Variants in CT55 observed in about 807,000 individuals in gnomAD.
CT55 encodes BRCA2-interacting protein.
A neutral mutation model predicts 12.6 loss-of-function variants in CT55; 1 was observed. The observed-to-expected ratio is 0.08, with a 90% CI of 0.03 to 0.38. The LOEUF (loss-of-function observed/expected upper bound fraction) is 0.38, where lower values mean the gene tolerates loss of function less well. CT55 is among the 10% of genes least tolerant of loss of function. CT55 has a pLI of 0.99. For synonymous variants in CT55, 43 were observed against 49.7 expected, an observed-to-expected ratio of 0.87 and a Z score of 0.57; for missense variants, 109 against 135.4, an observed-to-expected ratio of 0.80 and a Z score of 0.97.
chrX:135,160,744 G>T (rs1256703616), intron 2 of CT55, among the ~76,000 whole-genome samples, 189 bp from the exon 3 acceptor site: 3 of 112,124 alleles, frequency 2.7e-5, no homozygotes, highest in African/African-American at 9.7e-5. Flanking sequence ...TTCAAGAATT[G>T]TGAAATGTAT....
intron 2 of CT55, among the ~76,000 whole-genome samples, chrX:135,162,420 A>G (rs1269321175): frequency 2.7e-5 from 3 of 111,824 alleles, no homozygotes; most frequent in African/African-American, 9.8e-5. Context: ...GAGAAATGGG[A>G]CTCTCCAGTG....
At chrX:135,162,952 C>G (rs2083568659) in intron 2 of CT55, among the ~76,000 whole-genome samples, 1 of 111,711 alleles carries the variant, frequency 9.0e-6, no homozygotes, top group South Asian at 3.8e-4. Flanking sequence ...CTAGGGGAAT[C>G]CCAGCCATCC....
chrX:135,159,207 T>TTCTCTCTCTC (rs60230637), intron 3 of CT55, among the ~76,000 whole-genome samples: 1 of 100,572 alleles, frequency 9.9e-6, no homozygotes, highest in Non-Finnish European at 2.0e-5. Flanking sequence ...GTTAGACCTG[T>TTCTCTCTCTC]TCTCTCTCTC....
At chrX:135,159,272 A>G (rs1427727096) in intron 3 of CT55, among the ~76,000 whole-genome samples, 1 of 106,670 alleles carries the variant, frequency 9.4e-6, no homozygotes, top group Non-Finnish European at 1.9e-5. Context: ...TTTTGTGTGG[A>G]TTTGACATAT....
At chrX:135,162,610 C>T (rs2083567328) in intron 2 of CT55, among the ~76,000 whole-genome samples, 1 of 111,737 alleles carries the variant, frequency 8.9e-6, no homozygotes, top group African/African-American at 3.3e-5. Flanking sequence ...CCTTCCCCGA[C>T]CTTCAACAGC....
intron 2 of CT55, among the ~76,000 whole-genome samples, chrX:135,165,530 A>C (rs185991091): frequency 2.7e-5 from 3 of 111,794 alleles, no homozygotes; most frequent in Admixed American, 9.5e-5. Flanking sequence ...AACTAGAAAA[A>C]CAAGAAAAAA....
chrX:135,169,473 T>C (rs781785637), intron 2 of CT55, 121 bp downstream of exon 2: 7 of 449,224 alleles, frequency 1.6e-5, no homozygotes, highest in Non-Finnish European at 2.2e-5. Context: ...GGGCTTCAAA[T>C]TGCAGTCTAC....
rs138779561 is a variant in CT55, at chrX:135,158,262, C to T, written c.474G>A (p.Glu158=). The stretch of plus-strand genomic sequence containing the variant: ...TTGCCTTGATGTTTGAGATGCCTGG[C>T]TCAGTGGAATATTCAACTTCTAACA... The part of the protein sequence containing the change: ...GDLLEVEYST[E]PGISNIKATS... Residue 158 remains glutamate, a synonymous_variant, in exon 4 of 6, where the codon GAG becomes GAA. Coordinates refer to ENST00000276241, the MANE Select transcript of CT55 (RefSeq NM_001031705.3). The T allele has an allele frequency of 1.2e-5, 14 of 1,207,740 alleles. No homozygotes were observed. Among genetic ancestry groups the T allele is most frequent in the African/African-American group, 3.5e-5 (2 of 57,124 alleles).
At chrX:135,167,304 T>C (rs188770868) in intron 2 of CT55, among the ~76,000 whole-genome samples, 2 of 112,006 alleles carry the variant, frequency 1.8e-5, no homozygotes, top group African/African-American at 6.5e-5. Context: ...GCATTTACAG[T>C]CAACTAATTT....
At chrX:135,164,871 C>T (rs2083576611) in intron 2 of CT55, among the ~76,000 whole-genome samples, 1 of 112,115 alleles carries the variant, frequency 8.9e-6, no homozygotes, top group Non-Finnish European at 1.9e-5. Flanking sequence ...GTCAATTCAT[C>T]AAGAGGATAT....
intron 2 of CT55, among the ~76,000 whole-genome samples, chrX:135,164,966 C>T (rs1444207569): frequency 3.6e-5 from 4 of 111,748 alleles, no homozygotes; most frequent in African/African-American, 1.3e-4. Flanking sequence ...AGATAGAGTG[C>T]AATGCAGTAA....
At chrX:135,159,290 T>C (rs1390512623) in intron 3 of CT55, among the ~76,000 whole-genome samples, 1 of 111,032 alleles carries the variant, frequency 9.0e-6, no homozygotes, top group Non-Finnish European at 1.9e-5. Context: ...TATATCTATA[T>C]GCTTATAACT....
intron 2 of CT55, among the ~76,000 whole-genome samples, chrX:135,162,999 C>T (rs782277342): frequency 1.1e-4 from 12 of 111,674 alleles, no homozygotes; most frequent in Admixed American, 2.9e-4. Flanking sequence ...ATAGGCATCC[C>T]CCTAGTGCTT....
chrX:135,159,831 G>A (rs1193055833), intron 3 of CT55, among the ~76,000 whole-genome samples: 4 of 111,055 alleles, frequency 3.6e-5, no homozygotes, highest in Non-Finnish European at 5.7e-5. Flanking sequence ...CAAGCTATAC[G>A]ACAGCTGCAG....
At chrX:135,160,363 C>G (rs2083557448) in intron 3 of CT55, 48 bp downstream of exon 3, 1 of 1,110,338 alleles carries the variant, frequency 9.0e-7, no homozygotes, top group African/African-American at 1.9e-5. Context: ...CTAAAATCCT[C>G]TCAAAAAATT....
chrX:135,158,463 T>C, intron 3 of CT55, 152 bp from the exon 4 acceptor site: 1 of 406,253 alleles, frequency 2.5e-6, no homozygotes, highest in Non-Finnish European at 4.3e-6. Flanking sequence ...TACAAATCTC[T>C]AAGTCCAAAA....
chrX:135,160,734 T>C (rs1483205528), intron 2 of CT55, among the ~76,000 whole-genome samples, 179 bp from the exon 3 acceptor site: 2 of 112,251 alleles, frequency 1.8e-5, no homozygotes, highest in Non-Finnish European at 3.8e-5. Flanking sequence ...ATGTGCGTGC[T>C]TCAAGAATTG....
At chrX:135,167,536 T>C (rs1297868957) in intron 2 of CT55, among the ~76,000 whole-genome samples, 2 of 111,417 alleles carry the variant, frequency 1.8e-5, no homozygotes, top group East Asian at 5.6e-4. Flanking sequence ...GACATTGTTC[T>C]GGGCAACGAT....
chrX:135,160,214 A>G (rs1464053613), intron 3 of CT55, among the ~76,000 whole-genome samples, 197 bp downstream of exon 3: 3 of 111,463 alleles, frequency 2.7e-5, no homozygotes, highest in African/African-American at 9.8e-5. Context: ...ACAAATGAAC[A>G]CACAATAACC....
Sources: allele counts gnomAD v4.1 joint callset (sites outside exome capture counted in the v4.1 genomes callset), GRCh38; gene constraint gnomAD v4.1.1; transcripts MANE v1.5; gene names NCBI Gene and HGNC (gene_info 2026-07-23, HGNC 2026-07-21).